PTH1R: variants seen among roughly 807,000 people sequenced by gnomAD.
The protein encoded by PTH1R is parathyroid hormone/parathyroid hormone-related peptide receptor.
A neutral mutation model predicts 70.7 loss-of-function variants in PTH1R; 32 were observed. That is an observed-to-expected ratio of 0.45 (90% CI 0.34 to 0.61). The LOEUF is 0.61. Among genes scored for constraint, PTH1R ranks in the 20% least tolerant of loss-of-function variants. PTH1R has a pLI of 0.01. For missense variants in PTH1R, 626 were observed against 792.5 expected (o/e 0.79, Z 2.52); for synonymous variants, 329 against 324.8 (o/e 1.01, Z -0.14).
chr3:46,878,477 T>TA (rs1267333607), intron 1 of PTH1R, among the ~76,000 whole-genome samples: 1 of 152,164 alleles, frequency 6.6e-6, no homozygotes, highest in Non-Finnish European at 1.5e-5. Flanking sequence ...ATGATGGAGA[T>TA]AGAGCTCAGT....
Position 46,901,326 on chromosome 3 carries a change from A to G in PTH1R, c.1050-88A>G. 2.0e-6 allele frequency: 3 copies of G among 1,493,392 alleles called. No homozygotes were observed. In the South Asian group the frequency reaches 3.6e-5, roughly 18 times the overall value. The allele number at this position is 1,493,392 out of a possible 1,614,324, so 92.5% of individuals were successfully genotyped here. A position where few individuals can be genotyped will look rare whatever the true frequency, so the allele number is the denominator to read the frequency against. ...CCCTGCCCTGTGTCCTCAACAGCTA[A>G]TGTCAGACCAGACCAAATCTGGGTC... On this transcript the variant is annotated intron_variant, in intron 11 of 15. Transcript: ENST00000449590. The surrounding 1 kb of genome is among the most constrained non-coding windows in gnomAD (Gnocchi z 7.3).
chr3:46,902,039 G>C lies in PTH1R; in HGVS notation c.1211+179G>C, dbSNP rs1387439497. ...TGCCCAGCAGTGATGGGAGGCCCTA[G>C]GGCACCCCAAAGCCAGCCTGCCCAC... On this transcript the variant is annotated intron_variant, in intron 13 of 15. Transcript: ENST00000449590. The surrounding 1 kb of genome is among the most constrained non-coding windows in gnomAD (Gnocchi z 5.4). Among the ~76,000 whole-genome samples the C allele has an allele frequency of 1.3e-5, 2 of 152,182 alleles. No homozygotes were observed. The highest frequency in any genetic ancestry group is 6.5e-5 in the Admixed American group (1 of 15,290).
rs1326843473 is a variant in PTH1R at position 46,903,228 on chromosome 3, G to C, written c.1396-42G>C. 2.5e-6 allele frequency: 4 copies of C among 1,609,664 alleles called. No homozygotes were observed. Among genetic ancestry groups the C allele is most frequent in the South Asian group, 1.1e-5 (1 of 90,676 alleles). On this transcript the variant is annotated intron_variant, in intron 15 of 15. Transcript: ENST00000449590. The surrounding 1 kb of genome is among the most constrained non-coding windows in gnomAD (Gnocchi z 4.4). ...GGGGCCGGGATGGGGCATCGCTGGG[G>C]TTGGGAGACACACCTGACTGCCGCA...
Position 46,892,135 on chromosome 3 carries a change from A to AG in PTH1R, c.76-1772_76-1771insG, listed in dbSNP as rs2031449598. Among the ~76,000 whole-genome samples, 5 of 152,138 alleles carry AG rather than the reference A, an allele frequency of 3.3e-5. No homozygotes were observed. Among genetic ancestry groups the AG allele is most frequent in the Non-Finnish European group, 7.4e-5 (5 of 67,980 alleles). ...CAGCCATAGCTGGGGAAGCAAAGAG[A>AG]CTAGGATAGAGGAGCTTAGGCCAGC... On this transcript the variant is annotated intron_variant, in intron 3 of 15. Coordinates refer to ENST00000449590, the MANE Select transcript of PTH1R (RefSeq NM_000316.3). The surrounding 1 kb of genome is among the most constrained non-coding windows in gnomAD (Gnocchi z 5.2).
rs753460828 is a variant in PTH1R at position 46,898,161 on chromosome 3, T to C, written c.512T>C (p.Val171Ala). 1.9e-6 allele frequency: 3 copies of C among 1,614,054 alleles called. No homozygotes were observed. The highest frequency in any genetic ancestry group is 2.5e-6 in the Non-Finnish European group (3 of 1,179,990). Reference sequence around the variant, plus strand: ...ACGTGGGCCAACTACAGCGAGTGTGTCAAATTTCTCACCAATGAGACTCGT... The same window carrying C: ...ACGTGGGCCAACTACAGCGAGTGTGCCAAATTTCTCACCAATGAGACTCGT... ...NRTWANYSEC[V>A]KFLTNETRER... Residue 171 changes from valine to alanine, a missense_variant, in exon 7 of 16, where the codon GTC (valine) becomes GCC (alanine). Physicochemically the swap from Val to Ala is moderately conservative, Grantham distance 64 (BLOSUM62 0). Around this residue, in one of 3 missense-constraint regions of PTH1R, gnomAD observed 495 missense variants for 638.7 expected, o/e 0.77. Transcript: ENST00000449590.
At chr3:46,898,573 G>A (rs1324930225) in intron 8 of PTH1R, 89 bp from the exon 9 acceptor site, 91 of 1,599,502 alleles carry the variant, frequency 5.7e-5, no homozygotes, top group Non-Finnish European at 7.4e-5. Context: ...CCCGGCGGGT[G>A]TCCCTACCTA....
chr3:46,887,868 G>T (rs1266257526), intron 3 of PTH1R, among the ~76,000 whole-genome samples: 1 of 152,184 alleles, frequency 6.6e-6, no homozygotes, highest in Admixed American at 6.5e-5. Context: ...CATAATTTGT[G>T]TGTGTGTCTA....
Position 46,883,779 on chromosome 3 carries a change from C to A in PTH1R, c.75+145C>A. On this transcript the variant is annotated intron_variant, in intron 3 of 15. Coordinates refer to ENST00000449590, the MANE Select transcript of PTH1R (RefSeq NM_000316.3). This position sits in a 1 kb window ranked among gnomAD's most constrained non-coding sequence, Gnocchi z 6.4. The stretch of plus-strand genomic sequence containing the variant: ...CCCTCTGATCCAGGATCCTGGGTGC[C>A]TGCTGTCTCTGGGATGTCTGGACTG... 1 of 930,376 alleles carries A rather than the reference C, an allele frequency of 1.1e-6. No individual in the cohort carries two copies. Among genetic ancestry groups the A allele is most frequent in the Non-Finnish European group, 1.6e-6 (1 of 614,304 alleles). 57.6% of individuals were successfully genotyped at this position (930,376 alleles called of 1,614,324 possible).
intron 8 of PTH1R, 78 bp downstream of exon 8, chr3:46,898,550 T>C: frequency 6.3e-7 from 1 of 1,598,176 alleles, no homozygotes; most frequent in Non-Finnish European, 8.5e-7. Context: ...ACCCCCTCCC[T>C]GCACCCATCA....
In PTH1R at chr3:46,903,242, C is replaced by T. The variant is rs775620857; in HGVS notation, c.1396-28C>T. 2 of 1,611,120 alleles carry T rather than the reference C, an allele frequency of 1.2e-6. No homozygotes were observed. The highest frequency in any genetic ancestry group is 1.7e-6 in the Non-Finnish European group (2 of 1,179,680). ...GCATCGCTGGGGTTGGGAGACACAC[C>T]TGACTGCCGCACCCTTACTGCCCCA... On this transcript the variant is annotated intron_variant, in intron 15 of 15. Coordinates refer to ENST00000449590, the MANE Select transcript of PTH1R (RefSeq NM_000316.3). This position sits in a 1 kb window ranked among gnomAD's most constrained non-coding sequence, Gnocchi z 4.4.
chr3:46,900,471 C>T (rs994919045), intron 10 of PTH1R, among the ~76,000 whole-genome samples: 6 of 152,154 alleles, frequency 3.9e-5, no homozygotes, highest in Non-Finnish European at 8.8e-5. Flanking sequence ...CCCAGAGGCA[C>T]AGCTCACCCA....
chr3:46,898,904 G>T, intron 9 of PTH1R, 47 bp downstream of exon 9: 22 of 1,344,910 alleles, frequency 1.6e-5, no homozygotes, highest in Admixed American at 2.6e-5. Flanking sequence ...CACTGGCCTC[G>T]TGGGGCCCCG....
At chr3:46,898,496 G>T (rs201658128) in intron 8 of PTH1R, 24 bp downstream of exon 8, 8 of 1,612,268 alleles carry the variant, frequency 5.0e-6, no homozygotes, top group Non-Finnish European at 6.8e-6. Flanking sequence ...GGCGAGAGGC[G>T]GCGGGACATG....
At position 46,892,869 on chromosome 3, in the gene PTH1R, G is replaced by T. The variant is rs968419650; in HGVS notation, c.76-1038G>T. On this transcript the variant is annotated intron_variant, in intron 3 of 15. Transcript: ENST00000449590. This position sits in a 1 kb window ranked among gnomAD's most constrained non-coding sequence, Gnocchi z 5.2. ...ACATACCCCTGCCCAGGGGTCTGAGGAAACACGACCCTGAATTAAGAGGGA... is the reference window on the plus strand; with the variant it reads ...ACATACCCCTGCCCAGGGGTCTGAGTAAACACGACCCTGAATTAAGAGGGA... 1.1e-6 allele frequency: 1 copy of T among 920,026 alleles called. No homozygotes were observed. Among genetic ancestry groups the T allele is most frequent in the Non-Finnish European group, 1.3e-6 (1 of 769,760 alleles). The allele number at this position is 920,026 out of a possible 1,614,324, so 57.0% of individuals were successfully genotyped here. A position where few individuals can be genotyped will look rare whatever the true frequency, so the allele number is the denominator to read the frequency against.
Position 46,902,713 on chromosome 3 carries a change from G to A in PTH1R, c.1354-36G>A, listed in dbSNP as rs570596179. ...CCTGGCTGAGGGTGGGAGGGGTTCC[G>A]GGGGCAGGCCTGATTCGAGACACCC... On this transcript the variant is annotated intron_variant, in intron 14 of 15. Coordinates refer to ENST00000449590, the MANE Select transcript of PTH1R (RefSeq NM_000316.3). This position sits in a 1 kb window ranked among gnomAD's most constrained non-coding sequence, Gnocchi z 5.4. 3.3e-5 allele frequency: 53 copies of A among 1,614,008 alleles called. No individual in the cohort carries two copies. The African/African-American group carries it at 4.7e-4, about 14-fold the overall frequency.
At chr3:46,895,095 A>AC (rs1170940055) in intron 4 of PTH1R, among the ~76,000 whole-genome samples, 5 of 43,198 alleles carry the variant, frequency 1.2e-4, no homozygotes, top group South Asian at 8.6e-4. Context: ...AAACAAACAA[A>AC]AAAAAAAAAC....
rs1415727472 is a variant in PTH1R, at chr3:46,893,733, T to A, written c.76-174T>A. On this transcript the variant is annotated intron_variant, in intron 3 of 15. Transcript: ENST00000449590. This position sits in a 1 kb window ranked among gnomAD's most constrained non-coding sequence, Gnocchi z 5.2. ...TACCCCTCAGAGCCACAGCTTCCCA[T>A]CTGTAAGGTGTGAGCTCCATAGAGC... is the stretch of plus-strand genomic sequence containing the variant. Among the ~76,000 whole-genome samples, 3 of 152,134 alleles carry A rather than the reference T, an allele frequency of 2.0e-5. No individual in the cohort carries two copies. The highest frequency in any genetic ancestry group is 4.4e-5 in the Non-Finnish European group (3 of 68,018).
chr3:46,890,110 G>A lies in PTH1R; in HGVS notation c.76-3797G>A, dbSNP rs115031781. Among the ~76,000 whole-genome samples, 659 of 152,264 alleles carry A rather than the reference G, an allele frequency of 4.3e-3. 7 individuals carry two copies. The highest frequency in any genetic ancestry group is 0.014 in the African/African-American group (579 of 41,552). On this transcript the variant is annotated intron_variant, in intron 3 of 15. Transcript: ENST00000449590. Reference sequence around the variant, plus strand: ...GCTTGGGGCCTCTGGCAGTAACCTTGAATCCTAATGTAAGTCCAGAGTGGA... The same window carrying A: ...GCTTGGGGCCTCTGGCAGTAACCTTAAATCCTAATGTAAGTCCAGAGTGGA...
intron 3 of PTH1R, among the ~76,000 whole-genome samples, chr3:46,885,666 T>C (rs1355056977): frequency 6.6e-6 from 1 of 152,156 alleles, no homozygotes; most frequent in Non-Finnish European, 1.5e-5. Flanking sequence ...CAGGACCTTG[T>C]TGGGGCATGT....
Sources: allele counts gnomAD v4.1 joint callset (sites outside exome capture counted in the v4.1 genomes callset), GRCh38; gene constraint gnomAD v4.1.1; regional missense constraint gnomAD v4.1.1; non-coding constraint Gnocchi (gnomAD v3.1); transcripts MANE v1.5; gene names NCBI Gene and HGNC (gene_info 2026-07-23, HGNC 2026-07-21).